The following TM4SF18 variants were observed in gnomAD, a reference collection of about 807,000 sequenced individuals.
TM4SF18 encodes transmembrane 4 L six family member 18, also known as transmembrane 4 L6 family member 18.
In TM4SF18, 22 loss-of-function variants were observed where a neutral mutation model predicts 23.8. That is an observed-to-expected ratio of 0.92 (90% confidence interval 0.66 to 1.32). TM4SF18 has a LOEUF of 1.32. Ranked by LOEUF, TM4SF18 falls within the 40% of genes most tolerant of loss-of-function variation. TM4SF18 has a pLI of 0.00. For synonymous variants in TM4SF18, 87 were observed against 87.9 expected, an observed-to-expected ratio of 0.99 and a Z score of 0.06; for missense variants, 255 against 240.3, an observed-to-expected ratio of 1.06 and a Z score of -0.41.
In TM4SF18 at chr3:149,321,511, A is replaced by G. The variant is rs553912587; in HGVS notation, c.592-19T>C. The G allele has an allele frequency of 3.1e-5, 48 of 1,563,024 alleles. No homozygotes were observed. Among genetic ancestry groups the G allele is most frequent in the Non-Finnish European group, 3.8e-5 (44 of 1,146,274 alleles). Reference sequence around the variant, plus strand: ...TTCCAGGCTATAGGAAAAAAGGAAAAACAAAGTGATTAAAGTTATAAACTT... The same window carrying G: ...TTCCAGGCTATAGGAAAAAAGGAAAGACAAAGTGATTAAAGTTATAAACTT... On this transcript the variant is annotated intron_variant, in intron 5 of 5. Coordinates refer to ENST00000296059, the MANE Select transcript of TM4SF18 (RefSeq NM_138786.4).
intron 2 of TM4SF18, among the ~76,000 whole-genome samples, chr3:149,331,648 C>G (rs1316708164): frequency 6.6e-6 from 1 of 152,202 alleles, no homozygotes. Flanking sequence ...GAAAGAGACA[C>G]TGCCTTCTTT....
chr3:149,330,695 C>T (rs1731069518), intron 2 of TM4SF18, among the ~76,000 whole-genome samples: 2 of 152,108 alleles, frequency 1.3e-5, no homozygotes, highest in Admixed American at 1.3e-4. Context: ...GGTTAGCAAC[C>T]ATCAAAAGCT....
In TM4SF18 at chr3:149,320,160, C is replaced by T. The variant is rs1730773645; in HGVS notation, c.*1318G>A. ...TTGACAGACCATTGTTGACAGTGTC[C>T]ATGGAGGAGACAAATGGGGAAATGG... is the stretch of plus-strand genomic sequence containing the variant. On this transcript the variant is annotated 3_prime_UTR_variant, in exon 6 of 6. Transcript: ENST00000296059. The T allele has an allele frequency of 6.6e-6, 1 of 152,322 alleles. No individual in the cohort carries two copies. Among genetic ancestry groups the T allele is most frequent in the African/African-American group, 2.4e-5 (1 of 41,430 alleles). 9.4% of individuals were successfully genotyped at this position (152,322 alleles called of 1,614,324 possible).
intron 3 of TM4SF18, 26 bp downstream of exon 3, chr3:149,330,304 A>C: frequency 6.5e-7 from 1 of 1,541,654 alleles, no homozygotes; most frequent in Non-Finnish European, 8.9e-7. Flanking sequence ...CCACTCAACC[A>C]TCCTCAAAAA....
rs753403747 is a variant in TM4SF18, at chr3:149,322,285, G to A, written c.562C>T (p.Leu188=). 1.9e-6 allele frequency: 3 copies of A among 1,613,636 alleles called. No homozygotes were observed. The highest frequency in any genetic ancestry group is 1.1e-5 in the South Asian group (1 of 91,016). Residue 188 remains leucine (L), a synonymous_variant, in exon 5 of 6, where the codon CTG becomes TTG. Coordinates refer to ENST00000296059, the MANE Select transcript of TM4SF18 (RefSeq NM_138786.4). ...IRVVMQLSKI[L]CGSYSVIFQP... ...AAGATCACTGAATAGCTTCCACACAGTATCTTGGATAGTTGCATGACTACT... is the reference window on the plus strand; with the variant it reads ...AAGATCACTGAATAGCTTCCACACAATATCTTGGATAGTTGCATGACTACT...
intron 3 of TM4SF18, among the ~76,000 whole-genome samples, chr3:149,328,594 A>G (rs1265349031): frequency 6.6e-6 from 1 of 152,178 alleles, no homozygotes; most frequent in East Asian, 1.9e-4. Context: ...AATATTTTAC[A>G]ATTGAAAAGT....
intron 2 of TM4SF18, among the ~76,000 whole-genome samples, chr3:149,331,211 G>A (rs554971874): frequency 6.6e-5 from 10 of 151,882 alleles, no homozygotes; most frequent in South Asian, 2.1e-4. Flanking sequence ...TTTACTCTTC[G>A]TAGCCAATGT....
Position 149,325,159 on chromosome 3 carries a change from TA to T in TM4SF18, c.268-138del, listed in dbSNP as rs796082834. 9.1e-3 allele frequency: 5,583 copies of T among 613,272 alleles called. 1 individual carries two copies. Among genetic ancestry groups the T allele is most frequent in the South Asian group, 0.016 (359 of 22,216 alleles). The allele number at this position is 613,272 out of a possible 1,614,324, so 38.0% of individuals were successfully genotyped here. A position where few individuals can be genotyped will look rare whatever the true frequency, so the allele number is the denominator to read the frequency against. On this transcript the variant is annotated intron_variant, in intron 3 of 5. Transcript: ENST00000296059. ...ACAATACTAAATGCCCACATAGAAA[TA>T]AAAAAAAAAGTAATCCAAACCTATT...
intron 3 of TM4SF18, among the ~76,000 whole-genome samples, chr3:149,328,774 G>C (rs1461173802): frequency 3.3e-5 from 5 of 152,080 alleles, no homozygotes. Flanking sequence ...TCACACACGT[G>C]GCTTCTGGGG....
rs1322940604 is a variant in TM4SF18, at chr3:149,324,614, G to A, written c.410+266C>T. 2.6e-5 allele frequency among the ~76,000 whole-genome samples: 4 copies of A among 152,228 alleles called. No homozygotes were observed. In the East Asian group the frequency reaches 7.7e-4, roughly 29 times the overall value. On this transcript the variant is annotated intron_variant, in intron 4 of 5. Transcript: ENST00000296059. ...CCACACAACTTTAATCTGAGGTATGGGAGAAACACACCTTTCATTTGGATA... is the reference window on the plus strand; with the variant it reads ...CCACACAACTTTAATCTGAGGTATGAGAGAAACACACCTTTCATTTGGATA...
intron 4 of TM4SF18, among the ~76,000 whole-genome samples, chr3:149,322,905 C>CATTTTTTTTTTTTTTTTTTTTTTTT (rs1730844124): frequency 7.8e-6 from 1 of 128,768 alleles, no homozygotes; most frequent in African/African-American, 2.8e-5. Flanking sequence ...GGCCTCCAGA[C>CATTTTTTTTTTTTTTTTTTTTTTTT]TTTTTTTTTT....
intron 3 of TM4SF18, among the ~76,000 whole-genome samples, chr3:149,329,110 A>C (rs1201777864): frequency 6.6e-6 from 1 of 151,678 alleles, no homozygotes; most frequent in African/African-American, 2.4e-5. Context: ...AATCTCTTCC[A>C]TAAGTATATT....
intron 4 of TM4SF18, among the ~76,000 whole-genome samples, chr3:149,322,863 G>T (rs1730842393): frequency 6.6e-6 from 1 of 150,548 alleles, no homozygotes; most frequent in East Asian, 1.9e-4. Flanking sequence ...ATTTGGGTCT[G>T]CAGGATGTTG....
chr3:149,331,559 A>G (rs560765637), intron 2 of TM4SF18, among the ~76,000 whole-genome samples: 1 of 152,356 alleles, frequency 6.6e-6, no homozygotes, highest in Admixed American at 6.5e-5. Context: ...GCCAAAGCAT[A>G]GTAACCAGCT....
intron 2 of TM4SF18, among the ~76,000 whole-genome samples, chr3:149,332,171 A>G (rs968729349): frequency 3.3e-5 from 5 of 150,778 alleles, no homozygotes; most frequent in Non-Finnish European, 5.9e-5. Flanking sequence ...TACTTATTTC[A>G]TAGCAACATC....
At chr3:149,322,160 G>A in intron 5 of TM4SF18, 96 bp downstream of exon 5, 1 of 1,085,596 alleles carries the variant, frequency 9.2e-7, no homozygotes, top group Non-Finnish European at 1.3e-6. Context: ...TGGGGGGAAA[G>A]TGATGGAATT....
intron 3 of TM4SF18, among the ~76,000 whole-genome samples, chr3:149,326,443 G>T (rs1434359577): frequency 1.3e-5 from 2 of 152,130 alleles, no homozygotes; most frequent in Non-Finnish European, 2.9e-5. Context: ...CTCTTCCCTG[G>T]ATAGGTACAT....
At chr3:149,329,356 A>G (rs1731035237) in intron 3 of TM4SF18, among the ~76,000 whole-genome samples, 1 of 152,198 alleles carries the variant, frequency 6.6e-6, no homozygotes, top group Non-Finnish European at 1.5e-5. Context: ...ATCCATGCCC[A>G]GGTTGTACCT....
rs997815943 is a variant in TM4SF18, at chr3:149,325,611, C to T, written c.268-589G>A. On this transcript the variant is annotated intron_variant, in intron 3 of 5. Coordinates refer to ENST00000296059, the MANE Select transcript of TM4SF18 (RefSeq NM_138786.4). ...AGAGTTGTGAGAAAGTAGGTTTAAT[C>T]TAAGAGGGGTTTATTCAGATGAGTG... Among the ~76,000 whole-genome samples, 5 of 152,062 alleles carry T rather than the reference C, an allele frequency of 3.3e-5. No individual in the cohort carries two copies. In the East Asian group the frequency reaches 9.6e-4, roughly 29 times the overall value.
Sources: allele counts gnomAD v4.1 joint callset (sites outside exome capture counted in the v4.1 genomes callset), GRCh38; gene constraint gnomAD v4.1.1; transcripts MANE v1.5; gene names NCBI Gene and HGNC (gene_info 2026-07-23, HGNC 2026-07-21).